Variants in MED12L observed in about 807,000 individuals in gnomAD.
MED12L encodes mediator of RNA polymerase II transcription subunit 12-like protein.
MED12L carries 60 observed loss-of-function variants against 281.3 expected under a neutral mutation model. The ratio of observed to expected loss-of-function variants is 0.21; its 90% CI spans 0.17 to 0.26. The LOEUF (loss-of-function observed/expected upper bound fraction) is 0.26. Ranked by LOEUF, MED12L falls within the 10% of genes least tolerant of loss-of-function variation. The pLI, the probability that MED12L is intolerant of heterozygous loss-of-function variation, is 1.00. For synonymous variants in MED12L, 974 were observed against 987.2 expected (o/e 0.99, Z 0.25); for missense variants, 2,146 against 2,680.9 (o/e 0.80, Z 4.41).
At chr3:151,181,114 T>C (rs1026475793) in intron 11 of MED12L, among the ~76,000 whole-genome samples, 3 of 152,146 alleles carry the variant, frequency 2.0e-5, no homozygotes, top group African/African-American at 7.2e-5. Flanking sequence ...TTTGGAGATT[T>C]GTCAAAATCC....
At chr3:151,244,332 C>G (rs1277649914) in intron 16 of MED12L, among the ~76,000 whole-genome samples, 15 of 124,148 alleles carry the variant, frequency 1.2e-4, no homozygotes, top group Non-Finnish European at 2.0e-4. Flanking sequence ...CAGCACCACA[C>G]CACACCTATT....
intron 16 of MED12L, among the ~76,000 whole-genome samples, chr3:151,280,809 A>C (rs1056604753): frequency 6.6e-6 from 1 of 151,650 alleles, no homozygotes; most frequent in Admixed American, 6.6e-5. Context: ...TGCCTACTAG[A>C]TCTTTTCACA....
At chr3:151,125,916 T>C (rs1233790527) in intron 4 of MED12L, among the ~76,000 whole-genome samples, 1 of 152,114 alleles carries the variant, frequency 6.6e-6, no homozygotes, top group Non-Finnish European at 1.5e-5. Context: ...CCTGTTTAGT[T>C]GTGTTGTGTG....
chr3:151,385,720 GGA>G (rs1491357380), intron 36 of MED12L, among the ~76,000 whole-genome samples: 55 of 58,442 alleles, frequency 9.4e-4, no homozygotes, highest in East Asian at 2.7e-3. Context: ...CTCTGGGGGG[GGA>G]AAAAAAAAAA....
intron 16 of MED12L, among the ~76,000 whole-genome samples, chr3:151,217,402 T>C (rs1400272735): frequency 1.3e-5 from 2 of 152,214 alleles, no homozygotes; most frequent in African/African-American, 4.8e-5. Flanking sequence ...TGCATGTGTA[T>C]GCCCTGGTGA....
intron 5 of MED12L, among the ~76,000 whole-genome samples, chr3:151,138,594 A>G (rs1195575829): frequency 2.0e-5 from 3 of 152,056 alleles, no homozygotes; most frequent in Non-Finnish European, 4.4e-5. Context: ...ACATTTTCTC[A>G]GTTTCAGTGA....
chr3:151,126,777 C>A (rs1430556651), intron 4 of MED12L, among the ~76,000 whole-genome samples: 4 of 152,170 alleles, frequency 2.6e-5, no homozygotes, highest in Non-Finnish European at 5.9e-5. Context: ...GAACTGACAA[C>A]AAAATAATCA....
chr3:151,321,466 A>G (rs1748988411), intron 16 of MED12L, among the ~76,000 whole-genome samples: 1 of 152,224 alleles, frequency 6.6e-6, no homozygotes, highest in African/African-American at 2.4e-5. Flanking sequence ...GACCAGTGAC[A>G]TTATGTGTAT....
intron 16 of MED12L, among the ~76,000 whole-genome samples, chr3:151,292,786 G>T (rs1298770449): frequency 6.6e-6 from 1 of 152,168 alleles, no homozygotes; most frequent in Non-Finnish European, 1.5e-5. Context: ...TGGTCAGGCT[G>T]GTCTGCTCCT....
At chr3:151,266,667 A>G (rs976680028) in intron 16 of MED12L, among the ~76,000 whole-genome samples, 1 of 152,212 alleles carries the variant, frequency 6.6e-6, no homozygotes, top group African/African-American at 2.4e-5. Flanking sequence ...AGTGATATGA[A>G]CATATCAGTG....
intron 16 of MED12L, among the ~76,000 whole-genome samples, chr3:151,264,289 C>A (rs1739433938): frequency 6.6e-6 from 1 of 152,182 alleles, no homozygotes; most frequent in Admixed American, 6.5e-5. Context: ...TTTGCTGTGA[C>A]ATCAAAAAGA....
chr3:151,425,204 A>G lies in MED12L; in HGVS notation c.6409-5095A>G, dbSNP rs1030217140. Among the ~76,000 whole-genome samples the G allele has an allele frequency of 5.6e-4, 85 of 152,344 alleles. 1 individual carries two copies. Among genetic ancestry groups the G allele is most frequent in the African/African-American group, 1.8e-3 (75 of 41,576 alleles). On this transcript the variant is annotated intron_variant, in intron 43 of 44. Coordinates refer to ENST00000687756, the MANE Select transcript of MED12L (RefSeq NM_001393769.1). ...AATCAGTCCTGCAGCTGATTTTGTC[A>G]GCATATGCTTTCGCTGACGGGGCAA...
intron 13 of MED12L, among the ~76,000 whole-genome samples, chr3:151,189,565 A>G (rs913281631): frequency 6.6e-6 from 1 of 152,172 alleles, no homozygotes; most frequent in Non-Finnish European, 1.5e-5. Context: ...TGTCTTTGCT[A>G]GTTCATCTCA....
chr3:151,368,036 C>T, intron 24 of MED12L, 114 bp from the exon 25 acceptor site: 1 of 945,112 alleles, frequency 1.1e-6, no homozygotes, highest in Non-Finnish European at 1.6e-6. Flanking sequence ...ATTTTCTTAC[C>T]ATAAGGAAAA....
chr3:151,208,689 A>G (rs1726721826), intron 16 of MED12L, among the ~76,000 whole-genome samples: 1 of 152,142 alleles, frequency 6.6e-6, no homozygotes, highest in Non-Finnish European at 1.5e-5. Flanking sequence ...AAAAAAAGAA[A>G]ACAGAAAAAT....
chr3:151,407,909 A>G (rs1716517109), intron 39 of MED12L, among the ~76,000 whole-genome samples: 2 of 152,174 alleles, frequency 1.3e-5, no homozygotes, highest in Admixed American at 1.3e-4. Context: ...TGTCTTAGGT[A>G]TGCATTTGGT....
intron 16 of MED12L, chr3:151,336,476 A>T (rs1560043291): frequency 4.4e-6 from 2 of 455,942 alleles, no homozygotes; most frequent in South Asian, 3.1e-5. Flanking sequence ...ACAACAATAC[A>T]CCCTTTTATT....
Position 151,156,255 on chromosome 3 carries a change from C to G in MED12L, c.651C>G (p.Val217=). ...HMASSTGDGP[V]PVPPEVEQAM... ...CCTCCAGCACGGGCGATGGCCCTGT[C>G]CCTGTGCCACCAGAGGTGGAGCAAG... The change falls in exon 6 of 45, where the codon GTC becomes GTG. Residue 217 remains valine (V), a synonymous_variant. Transcript: ENST00000687756. 6.2e-7 allele frequency: 1 copy of G among 1,613,368 alleles called. No individual in the cohort carries two copies.
intron 20 of MED12L, among the ~76,000 whole-genome samples, chr3:151,358,967 A>G (rs895583630): frequency 6.6e-6 from 1 of 152,172 alleles, no homozygotes; most frequent in Non-Finnish European, 1.5e-5. Context: ...CAGATTTATT[A>G]CAGGTTTATT....
Sources: allele counts gnomAD v4.1 joint callset (sites outside exome capture counted in the v4.1 genomes callset), GRCh38; gene constraint gnomAD v4.1.1; transcripts MANE v1.5; gene names NCBI Gene and HGNC (gene_info 2026-07-23, HGNC 2026-07-21).